The following GPC6 variants were observed in gnomAD, a reference collection of about 807,000 sequenced individuals.
GPC6 encodes glypican-6.
GPC6 carries 14 observed loss-of-function variants against 55.2 expected under a neutral mutation model. The ratio of observed to expected loss-of-function variants is 0.25; its 90% CI spans 0.17 to 0.40. The LOEUF (loss-of-function observed/expected upper bound fraction) is 0.40, where lower values mean the gene tolerates loss of function less well. Ranked by LOEUF, GPC6 falls within the 10% of genes least tolerant of loss-of-function variation. The probability of loss-of-function intolerance (pLI) is 1.00; values close to 1 mark genes in which losing one functional copy is unlikely to be tolerated. For synonymous variants in GPC6, 278 were observed against 259.6 expected (o/e 1.07, Z -0.68); for missense variants, 641 against 708.5 (o/e 0.90, Z 1.08).
At chr13:94,385,220 A>G (rs1880350109) in intron 7 of GPC6, among the ~76,000 whole-genome samples, 1 of 151,500 alleles carries the variant, frequency 6.6e-6, no homozygotes, top group African/African-American at 2.4e-5. Flanking sequence ...AGCCTGGGTG[A>G]CAGAGTGAGA....
chr13:93,807,907 A>T (rs1886586575), intron 2 of GPC6, among the ~76,000 whole-genome samples: 1 of 152,204 alleles, frequency 6.6e-6, no homozygotes, highest in African/African-American at 2.4e-5. Context: ...CATGACAAAG[A>T]GGTTTCTGGG....
intron 4 of GPC6, among the ~76,000 whole-genome samples, chr13:94,218,406 G>A (rs1890284526): frequency 6.6e-6 from 1 of 152,162 alleles, no homozygotes; most frequent in African/African-American, 2.4e-5. Context: ...TCTTTCATGA[G>A]GTGGAAGAGG....
chr13:93,502,268 G>C (rs1227331137), intron 1 of GPC6, among the ~76,000 whole-genome samples: 1 of 151,940 alleles, frequency 6.6e-6, no homozygotes, highest in Non-Finnish European at 1.5e-5. Context: ...GTGAGAGGGA[G>C]GGGGAGAAAG....
chr13:94,051,918 A>T (rs1198787297), intron 4 of GPC6, among the ~76,000 whole-genome samples: 2 of 152,200 alleles, frequency 1.3e-5, no homozygotes, highest in African/African-American at 4.8e-5. Context: ...AAGTGTTTTG[A>T]TTCAACAATA....
intron 6 of GPC6, among the ~76,000 whole-genome samples, chr13:94,372,447 GTGAC>G (rs1183127379): frequency 6.6e-6 from 1 of 152,238 alleles, no homozygotes; most frequent in Non-Finnish European, 1.5e-5. Flanking sequence ...AAAGAAAGGG[GTGAC>G]TGACGGCACC....
intron 3 of GPC6, among the ~76,000 whole-genome samples, chr13:93,951,270 G>A (rs1241887805): frequency 1.3e-5 from 2 of 152,106 alleles, no homozygotes; most frequent in Non-Finnish European, 2.9e-5. Context: ...GCCCAGATCA[G>A]TTTAATCTGT....
chr13:93,350,241 C>A (rs112729747), intron 1 of GPC6, among the ~76,000 whole-genome samples: 1 of 151,988 alleles, frequency 6.6e-6, no homozygotes, highest in Non-Finnish European at 1.5e-5. Flanking sequence ...TTGAGACAAG[C>A]CTGGCCAATA....
At chr13:93,727,183 T>G (rs968256712) in intron 2 of GPC6, among the ~76,000 whole-genome samples, 5 of 152,134 alleles carry the variant, frequency 3.3e-5, no homozygotes, top group African/African-American at 4.8e-5. Flanking sequence ...ATCAGAGAGA[T>G]GTGTAACTCT....
At chr13:93,796,910 G>A (rs1886212932) in intron 2 of GPC6, among the ~76,000 whole-genome samples, 1 of 70,786 alleles carries the variant, frequency 1.4e-5, no homozygotes, top group Non-Finnish European at 2.9e-5. Flanking sequence ...ATGCACACCA[G>A]TTTCATCCGT....
At chr13:93,501,514 TTTTTG>T (rs1880519684) in intron 1 of GPC6, among the ~76,000 whole-genome samples, 1 of 152,184 alleles carries the variant, frequency 6.6e-6, no homozygotes, top group African/African-American at 2.4e-5. Flanking sequence ...GAGTAATAGT[TTTTTG>T]TTTTGTTTTC....
chr13:94,301,158 T>C (rs1875626593), intron 5 of GPC6, among the ~76,000 whole-genome samples: 1 of 152,210 alleles, frequency 6.6e-6, no homozygotes, highest in African/African-American at 2.4e-5. Context: ...AGTTACCTAA[T>C]TTAACTTTAA....
intron 2 of GPC6, among the ~76,000 whole-genome samples, chr13:93,781,243 T>C (rs1227726986): frequency 6.7e-6 from 1 of 148,224 alleles, no homozygotes. Flanking sequence ...GCCACTGCAC[T>C]CCAGCCTGGC....
chr13:94,330,890 G>T (rs953863051), intron 6 of GPC6, among the ~76,000 whole-genome samples: 4 of 151,548 alleles, frequency 2.6e-5, no homozygotes, highest in Non-Finnish European at 4.4e-5. Flanking sequence ...GTCCTTTTAT[G>T]TGGTTTTCTT....
intron 2 of GPC6, among the ~76,000 whole-genome samples, chr13:93,780,772 G>T (rs1296150509): frequency 6.6e-6 from 1 of 151,882 alleles, no homozygotes; most frequent in Non-Finnish European, 1.5e-5. Flanking sequence ...CATCTATTTT[G>T]GTCATTGCCT....
At chr13:94,248,316 C>A (rs1173652492) in intron 4 of GPC6, among the ~76,000 whole-genome samples, 1 of 152,002 alleles carries the variant, frequency 6.6e-6, no homozygotes, top group Non-Finnish European at 1.5e-5. Context: ...ATGAATGCTT[C>A]CAAATTTGGT....
chr13:93,987,073 G>T (rs1881063645), intron 3 of GPC6, among the ~76,000 whole-genome samples: 1 of 151,990 alleles, frequency 6.6e-6, no homozygotes, highest in South Asian at 2.1e-4. Context: ...TTAACCTTCA[G>T]TTTTTTTCAT....
intron 3 of GPC6, among the ~76,000 whole-genome samples, chr13:93,868,660 AC>A (rs1165838984): frequency 2.6e-5 from 4 of 151,848 alleles, no homozygotes; most frequent in Non-Finnish European, 4.4e-5. Context: ...AATATCTGGT[AC>A]TACATAGAAG....
chr13:94,025,827 C>G (rs116517944), intron 3 of GPC6, among the ~76,000 whole-genome samples: 2 of 152,076 alleles, frequency 1.3e-5, no homozygotes, highest in Non-Finnish European at 2.9e-5. Context: ...CAGTATTTTA[C>G]TCACTGACTT....
intron 2 of GPC6, among the ~76,000 whole-genome samples, chr13:93,700,668 C>T (rs1013577703): frequency 6.6e-6 from 1 of 152,082 alleles, no homozygotes; most frequent in African/African-American, 2.4e-5. Flanking sequence ...TTGTAGTCTG[C>T]ATACTTTTAC....
Sources: gnomAD v4.1 joint callset for allele counts (sites outside exome capture counted in the v4.1 genomes callset) on GRCh38, gnomAD v4.1.1 for gene constraint, MANE v1.5 for transcripts, NCBI Gene and HGNC (gene_info 2026-07-23, HGNC 2026-07-21) for gene names.